The following MICALL2 variants were observed in gnomAD, a reference collection of about 807,000 sequenced individuals.
MICALL2 encodes the protein MICAL like 2, also known as MICAL-like protein 2.
Under a neutral mutation model 91.1 loss-of-function variants are expected in MICALL2, and 111 were observed. That is an observed-to-expected ratio of 1.22 (90% CI 1.04 to 1.43). The LOEUF (loss-of-function observed/expected upper bound fraction) is 1.43, where lower values mean the gene tolerates loss of function less well. MICALL2 is among the 40% of genes most tolerant of loss of function. The pLI is 0.00. For synonymous variants in MICALL2, 694 were observed against 525.3 expected (o/e 1.32, Z -4.39); for missense variants, 1,556 against 1,236.0 (o/e 1.26, Z -3.88).
chr7:1,440,879 G>A, intron 7 of MICALL2, 195 bp from the exon 8 acceptor site: 1 of 580,758 alleles, frequency 1.7e-6, no homozygotes, highest in East Asian at 3.0e-5. Flanking sequence ...GCTCTCCTGT[G>A]CTGTGTGTCC....
intron 6 of MICALL2, among the ~76,000 whole-genome samples, chr7:1,443,720 G>A (rs566633886): frequency 2.6e-5 from 4 of 152,330 alleles, no homozygotes; most frequent in African/African-American, 9.6e-5. Flanking sequence ...CAGAGCCGCT[G>A]GGAGCTGGAA....
chr7:1,459,138 C>T (rs1781121036), intron 1 of MICALL2, 46 bp downstream of exon 1: 2 of 1,569,702 alleles, frequency 1.3e-6, no homozygotes, highest in Non-Finnish European at 1.7e-6. Flanking sequence ...CGTGTCAGCG[C>T]GCAGCCGAAC....
At chr7:1,442,568 G>A (rs1198148501) in intron 6 of MICALL2, 84 bp from the exon 7 acceptor site, 3 of 1,333,422 alleles carry the variant, frequency 2.2e-6, no homozygotes, top group Non-Finnish European at 3.1e-6. Flanking sequence ...CTGCCTCCCT[G>A]CAGCTCACTC....
At chr7:1,440,118 C>A (rs375763670) in intron 8 of MICALL2, 33 bp from the exon 9 acceptor site, 6 of 1,559,106 alleles carry the variant, frequency 3.8e-6, no homozygotes, top group African/African-American at 1.6e-5. Context: ...GAACCCGAAC[C>A]ACCAGCCCCA....
Position 1,442,437 on chromosome 7 carries a change from T to G in MICALL2, c.1466A>C (p.Glu489Ala). ...GGCTAAGGGACTTGCTTGTGGTGCT[T>G]CAGTTTTGGGCTGAGAACTGGGAAC... Reference protein sequence around the residue: ...AAVPSSQPKTEAPQASPLAKP... With the variant: ...AAVPSSQPKTAAPQASPLAKP... Residue 489 changes from glutamate (E) to alanine (A), a missense_variant, in exon 7 of 17, where the codon GAA (glutamate) becomes GCA (alanine). By Grantham distance (107) the Glu-to-Ala change is moderately radical. Transcript: ENST00000297508. 1 of 1,560,814 alleles carries G rather than the reference T, an allele frequency of 6.4e-7. No homozygotes were observed. The highest frequency in any genetic ancestry group is 8.7e-7 in the Non-Finnish European group (1 of 1,151,852).
intron 16 of MICALL2, 120 bp downstream of exon 16, chr7:1,434,981 A>ATCC: frequency 2.7e-6 from 1 of 372,300 alleles, no homozygotes; most frequent in Non-Finnish European, 4.9e-6. Context: ...GGGACCCGAT[A>ATCC]CCCGCCCCCC....
At chr7:1,440,711 G>A in intron 7 of MICALL2, 27 bp from the exon 8 acceptor site, 3 of 1,590,844 alleles carry the variant, frequency 1.9e-6, no homozygotes, top group South Asian at 1.1e-5. Context: ...GGGTCTGGGT[G>A]TGAGGAAGGA....
At chr7:1,448,806 T>G in intron 2 of MICALL2, 45 bp from the exon 3 acceptor site, 2 of 1,605,572 alleles carry the variant, frequency 1.2e-6, no homozygotes, top group Non-Finnish European at 1.7e-6. Flanking sequence ...GGGAGCCCCC[T>G]CCTTCTCCAC....
At chr7:1,458,090 C>T (rs1274993412) in intron 1 of MICALL2, among the ~76,000 whole-genome samples, 2 of 152,282 alleles carry the variant, frequency 1.3e-5, no homozygotes, top group Non-Finnish European at 2.9e-5. Context: ...GAATGCATGT[C>T]ACAACCTCAG....
intron 2 of MICALL2, 150 bp downstream of exon 2, chr7:1,450,090 G>A (rs550942325): frequency 5.6e-5 from 38 of 682,524 alleles, no homozygotes; most frequent in Non-Finnish European, 7.7e-5. Context: ...CCCAGGACGC[G>A]TTGCCGGGCT....
intron 8 of MICALL2, 188 bp downstream of exon 8, chr7:1,440,403 C>T (rs951754325): frequency 3.1e-6 from 2 of 650,506 alleles, no homozygotes; most frequent in African/African-American, 1.8e-5. Context: ...GTGAGACACG[C>T]AACGCTGCCC....
intron 6 of MICALL2, among the ~76,000 whole-genome samples, chr7:1,442,755 T>C (rs937207385): frequency 6.6e-6 from 1 of 151,926 alleles, no homozygotes; most frequent in Admixed American, 6.5e-5. Flanking sequence ...CAGACACCTG[T>C]TTCTGGCATG....
At chr7:1,437,772 G>T in intron 13 of MICALL2, 118 bp downstream of exon 13, 1 of 1,248,548 alleles carries the variant, frequency 8.0e-7, no homozygotes, top group South Asian at 1.3e-5. Flanking sequence ...CGAGGTCCTG[G>T]ACCTGCCGCA....
chr7:1,437,942 G>C lies in MICALL2; in HGVS notation c.2350C>G (p.Leu784Val). 13 of 1,549,910 alleles carry C rather than the reference G, an allele frequency of 8.4e-6. No homozygotes were observed. The highest frequency in any genetic ancestry group is 1.1e-5 in the Non-Finnish European group (13 of 1,147,110). ...AGCAGAAGCTGCTTCTCGTGAATGAGCCAGAACCAGTCCACCATGAGGCTA... is the reference window on the plus strand; with the variant it reads ...AGCAGAAGCTGCTTCTCGTGAATGACCCAGAACCAGTCCACCATGAGGCTA... ...EDSLMVDWFW[L>V]IHEKQLLLRQ... The change falls in exon 13 of 17, where the codon CTC becomes GTC. Residue 784 changes from leucine (L) to valine (V), a missense_variant. Coordinates refer to ENST00000297508, the MANE Select transcript of MICALL2 (RefSeq NM_182924.4).
intron 1 of MICALL2, among the ~76,000 whole-genome samples, chr7:1,458,490 G>C (rs1781097833): frequency 2.0e-5 from 3 of 152,258 alleles, no homozygotes; most frequent in African/African-American, 7.2e-5. Flanking sequence ...AGCGTTTGCT[G>C]AGTGAATAAA....
In MICALL2 at chr7:1,445,255, G is replaced by C; in HGVS notation, c.815C>G (p.Ser272Cys). The C allele has an allele frequency of 6.2e-7, 1 of 1,612,410 alleles. No individual in the cohort carries two copies. The highest frequency in any genetic ancestry group is 1.1e-5 in the South Asian group (1 of 91,052). Reference sequence around the variant, plus strand: ...GTTTGCCTCCTGGGCCTTCTGTGGGGAACAGGAGGTCCTGGAATCCACACC... The same window carrying C: ...GTTTGCCTCCTGGGCCTTCTGTGGGCAACAGGAGGTCCTGGAATCCACACC... ...AMGVDSRTSC[S>C]PQKAQEANKA... The change falls in exon 6 of 17, where the codon TCC becomes TGC. Residue 272 changes from serine to cysteine, a missense_variant. By Grantham distance (112) the Ser-to-Cys change is moderately radical. Coordinates refer to ENST00000297508, the MANE Select transcript of MICALL2 (RefSeq NM_182924.4).
In MICALL2 at chr7:1,445,351, C is replaced by G. The variant is rs774027463; in HGVS notation, c.719G>C (p.Ser240Thr). The G allele has an allele frequency of 1.9e-6, 3 of 1,598,810 alleles. No individual in the cohort carries two copies. The highest frequency in any genetic ancestry group is 2.2e-5 in the East Asian group (1 of 44,510). Reference protein sequence around the residue: ...TGEPGTFVCTSHLPAAASASP... With the variant: ...TGEPGTFVCTTHLPAAASASP... Reference sequence around the variant, plus strand: ...TGCAGAGGCGGCTGCGGGGAGGTGGCTGGTGCAGACGAAGGTGCCCGGCTC... The same window carrying G: ...TGCAGAGGCGGCTGCGGGGAGGTGGGTGGTGCAGACGAAGGTGCCCGGCTC... The change falls in exon 6 of 17, where the codon AGC becomes ACC. Residue 240 changes from serine to threonine, a missense_variant. Ser to Thr is a moderately conservative substitution (Grantham distance 58). Coordinates refer to ENST00000297508, the MANE Select transcript of MICALL2 (RefSeq NM_182924.4).
chr7:1,458,915 T>C lies in MICALL2; in HGVS notation c.143+269A>G, dbSNP rs1032528524. On this transcript the variant is annotated intron_variant, in intron 1 of 16. Coordinates refer to ENST00000297508, the MANE Select transcript of MICALL2 (RefSeq NM_182924.4). ...CTTTCCCAGGGACACAGAGGGGGAC[T>C]GGACTGAAGCCAGGGCCCAGGAGCC... Among the ~76,000 whole-genome samples the C allele has an allele frequency of 5.3e-5, 8 of 152,314 alleles. 1 individual carries two copies. In the South Asian group the frequency reaches 1.7e-3, roughly 32 times the overall value.
chr7:1,458,760 T>TC (rs1364625123), intron 1 of MICALL2, among the ~76,000 whole-genome samples: 1 of 152,026 alleles, frequency 6.6e-6, no homozygotes, highest in Non-Finnish European at 1.5e-5. Context: ...CCTGGCCACA[T>TC]CCCCCCAGGG....
Sources: allele counts gnomAD v4.1 joint callset (sites outside exome capture counted in the v4.1 genomes callset), GRCh38; gene constraint gnomAD v4.1.1; transcripts MANE v1.5; gene names NCBI Gene and HGNC (gene_info 2026-07-23, HGNC 2026-07-21).